The following TMEM232 variants were observed in gnomAD, a reference collection of about 807,000 sequenced individuals.
The protein encoded by TMEM232 is transmembrane protein 232.
TMEM232 carries 80 observed loss-of-function variants against 78.8 expected under a neutral mutation model. The ratio of observed to expected loss-of-function variants is 1.01; its 90% CI spans 0.85 to 1.22. The LOEUF (loss-of-function observed/expected upper bound fraction) is 1.22, where lower values mean the gene tolerates loss of function less well. Ranked by LOEUF, TMEM232 falls within the 50% of genes most tolerant of loss-of-function variation. The pLI is 0.00. For synonymous variants in TMEM232, 297 were observed against 254.3 expected, an observed-to-expected ratio of 1.17 and a Z score of -1.60; for missense variants, 881 against 742.2, an observed-to-expected ratio of 1.19 and a Z score of -2.17.
chr5:110,622,577 A>T (rs974508347), intron 7 of TMEM232, among the ~76,000 whole-genome samples: 2 of 151,986 alleles, frequency 1.3e-5, no homozygotes, highest in African/African-American at 2.4e-5. Flanking sequence ...ACATTTTCTT[A>T]ATCCAGTCTA....
In TMEM232 at chr5:110,700,082, A is replaced by G. The variant is rs148083567; in HGVS notation, c.-13+26545T>C. 2.6e-5 allele frequency among the ~76,000 whole-genome samples: 4 copies of G among 152,224 alleles called. No individual in the cohort carries two copies. The East Asian group carries it at 7.7e-4, about 29-fold the overall frequency. ...AAAAATCCACTAAGCAATTTTCTTA[A>G]GCAGACAGCTGAAGACAGGGAGAAG... On this transcript the variant is annotated intron_variant, in intron 1 of 13. Coordinates refer to ENST00000455884, the MANE Select transcript of TMEM232 (RefSeq NM_001039763.4).
intron 12 of TMEM232, among the ~76,000 whole-genome samples, chr5:110,455,758 G>A (rs1441514660): frequency 6.6e-6 from 1 of 152,104 alleles, no homozygotes; most frequent in Non-Finnish European, 1.5e-5. Flanking sequence ...AACAAATTAT[G>A]AGCAAGTGGG....
chr5:110,667,614 A>G (rs1414871840), intron 1 of TMEM232: 1 of 215,820 alleles, frequency 4.6e-6, no homozygotes, highest in African/African-American at 2.3e-5. Flanking sequence ...CAGCAAAACC[A>G]TTGAAACAGC....
intron 1 of TMEM232, among the ~76,000 whole-genome samples, chr5:110,694,327 C>T (rs1794502994): frequency 6.6e-6 from 1 of 152,178 alleles, no homozygotes. Flanking sequence ...AAAGGAACAA[C>T]CAGTACCAGC....
At chr5:110,702,626 T>G (rs984735310) in intron 1 of TMEM232, among the ~76,000 whole-genome samples, 2 of 152,074 alleles carry the variant, frequency 1.3e-5, no homozygotes, top group Non-Finnish European at 2.9e-5. Context: ...TTACTGTATT[T>G]TTCTCACAGA....
intron 3 of TMEM232, among the ~76,000 whole-genome samples, chr5:110,394,951 T>C (rs955643061): frequency 1.3e-5 from 2 of 152,022 alleles, no homozygotes; most frequent in Admixed American, 1.3e-4. Context: ...AGGGAAGAAG[T>C]GTGGGGGTAG....
intron 6 of TMEM232, among the ~76,000 whole-genome samples, chr5:110,626,716 T>C (rs1784471951): frequency 6.6e-6 from 1 of 152,084 alleles, no homozygotes; most frequent in South Asian, 2.1e-4. Context: ...CCAATCTGAA[T>C]TCCGCTTCCA....
intron 12 of TMEM232, among the ~76,000 whole-genome samples, chr5:110,492,926 G>C (rs886379875): frequency 6.6e-6 from 1 of 151,904 alleles, no homozygotes; most frequent in Non-Finnish European, 1.5e-5. Context: ...AATGATGTAG[G>C]GGTTGGTGAG....
At chr5:110,680,071 C>T (rs893368147) in intron 1 of TMEM232, among the ~76,000 whole-genome samples, 2 of 151,936 alleles carry the variant, frequency 1.3e-5, no homozygotes, top group African/African-American at 2.4e-5. Context: ...GTGTGTTTGT[C>T]CTGTTTTGTT....
chr5:110,419,226 G>C (rs111830427), downstream of TMEM232, among the ~76,000 whole-genome samples: 1 of 151,908 alleles, frequency 6.6e-6, no homozygotes, highest in African/African-American at 2.4e-5. Flanking sequence ...TATTTGGAAA[G>C]GTATATTGGG....
intron 12 of TMEM232, among the ~76,000 whole-genome samples, chr5:110,496,178 G>A (rs2149431831): frequency 6.6e-6 from 1 of 151,880 alleles, no homozygotes; most frequent in Non-Finnish European, 1.5e-5. Flanking sequence ...GTTATTTCAA[G>A]AAGATTTTCG....
intron 10 of TMEM232, among the ~76,000 whole-genome samples, chr5:110,589,540 T>C (rs375726529): frequency 6.6e-6 from 1 of 152,184 alleles, no homozygotes; most frequent in East Asian, 1.9e-4. Context: ...GGGAGGCAGT[T>C]ATTAGTATGG....
intron 1 of TMEM232, among the ~76,000 whole-genome samples, chr5:110,717,788 TTC>T (rs1424142869): frequency 6.6e-6 from 1 of 152,108 alleles, no homozygotes; most frequent in Non-Finnish European, 1.5e-5. Flanking sequence ...CTCCTCACTC[TTC>T]TCTCTCCTGA....
At chr5:110,583,272 A>G (rs1778410847) in intron 10 of TMEM232, among the ~76,000 whole-genome samples, 1 of 152,010 alleles carries the variant, frequency 6.6e-6, no homozygotes, top group South Asian at 2.1e-4. Context: ...CATAAATTAA[A>G]ACAGTACCAG....
chr5:110,464,485 T>C (rs772515881), intron 12 of TMEM232, among the ~76,000 whole-genome samples: 7 of 152,118 alleles, frequency 4.6e-5, no homozygotes, highest in Non-Finnish European at 1.0e-4. Context: ...TGCCACTAAT[T>C]GGTAGCTGGT....
intron 1 of TMEM232, among the ~76,000 whole-genome samples, chr5:110,691,613 G>T (rs570903477): frequency 6.6e-6 from 1 of 152,272 alleles, no homozygotes; most frequent in Admixed American, 6.5e-5. Flanking sequence ...TGCAGGGCTG[G>T]ATTCTGTCAA....
At chr5:110,402,743 A>C (rs1213652189) in intron 2 of TMEM232, among the ~76,000 whole-genome samples, 1 of 152,054 alleles carries the variant, frequency 6.6e-6, no homozygotes, top group Non-Finnish European at 1.5e-5. Flanking sequence ...TTGACTCAAG[A>C]CTCAAAGTCC....
chr5:110,605,501 G>A, intron 9 of TMEM232, 143 bp from the exon 10 acceptor site: 2 of 839,280 alleles, frequency 2.4e-6, no homozygotes, highest in East Asian at 3.0e-5. Context: ...TTTACCATGA[G>A]TAGACTGCAT....
chr5:110,528,481 G>A, intron 12 of TMEM232, 107 bp downstream of exon 12: 1 of 1,250,964 alleles, frequency 8.0e-7, no homozygotes, highest in Non-Finnish European at 1.0e-6. Context: ...AATTTGAATT[G>A]AAGAAGAGAA....
Sources: gnomAD v4.1 joint callset for allele counts (sites outside exome capture counted in the v4.1 genomes callset) on GRCh38, gnomAD v4.1.1 for gene constraint, MANE v1.5 for transcripts, NCBI Gene and HGNC (gene_info 2026-07-23, HGNC 2026-07-21) for gene names.